NGF: variants seen among roughly 807,000 people sequenced by gnomAD.
NGF encodes nerve growth factor, also known as beta-nerve growth factor.
A neutral mutation model predicts 12.8 loss-of-function variants in NGF; 4 were observed. The observed-to-expected ratio is 0.31, with a 90% CI of 0.15 to 0.72. NGF has a LOEUF of 0.72. Ranked by LOEUF, NGF falls within the 30% of genes least tolerant of loss-of-function variation. NGF has a pLI of 0.69. For synonymous variants in NGF, 140 were observed against 130.0 expected, an observed-to-expected ratio of 1.08 and a Z score of -0.52; for missense variants, 283 against 330.8, an observed-to-expected ratio of 0.86 and a Z score of 1.12.
chr1:115,333,666 TTTC>T, intron 1 of NGF, among the ~76,000 whole-genome samples: 1 of 43,442 alleles, frequency 2.3e-5, no homozygotes, highest in Admixed American at 2.6e-4. Flanking sequence ...TCTTTCTTTC[TTTC>T]TTTCTTTCTT....
intron 1 of NGF, among the ~76,000 whole-genome samples, chr1:115,331,525 A>G (rs886899246): frequency 6.6e-6 from 1 of 152,238 alleles, no homozygotes; most frequent in African/African-American, 2.4e-5. Context: ...AAGATTAAAA[A>G]GCCTGCAGAC....
At chr1:115,312,631 T>C (rs2101041688) in intron 1 of NGF, among the ~76,000 whole-genome samples, 1 of 152,350 alleles carries the variant, frequency 6.6e-6, no homozygotes, top group African/African-American at 2.4e-5. Context: ...CTTAGCACTT[T>C]CTTTTTATTT....
chr1:115,294,633 A>G (rs748897839), intron 1 of NGF, among the ~76,000 whole-genome samples: 2 of 152,208 alleles, frequency 1.3e-5, no homozygotes, highest in Non-Finnish European at 2.9e-5. Context: ...CAACTGCAGG[A>G]TGTATCGAGG....
At chr1:115,334,967 AG>A (rs35833423) in intron 1 of NGF, among the ~76,000 whole-genome samples, 1 of 152,236 alleles carries the variant, frequency 6.6e-6, no homozygotes, top group East Asian at 1.9e-4. Context: ...AAACTGTAAC[AG>A]GAAGTTTACC....
At chr1:115,302,082 T>C (rs528440824) in intron 1 of NGF, among the ~76,000 whole-genome samples, 22 of 152,340 alleles carry the variant, frequency 1.4e-4, no homozygotes, top group African/African-American at 4.8e-4. Context: ...TGAATGTTTA[T>C]TGAAAGGAAT....
chr1:115,294,524 C>G (rs1653804096), intron 1 of NGF, among the ~76,000 whole-genome samples: 1 of 152,338 alleles, frequency 6.6e-6, no homozygotes, highest in South Asian at 2.1e-4. Context: ...CAAACAAGGC[C>G]TCTGCTCTCA....
intron 1 of NGF, among the ~76,000 whole-genome samples, chr1:115,332,520 A>G (rs1654950107): frequency 1.3e-5 from 2 of 152,206 alleles, no homozygotes; most frequent in Non-Finnish European, 2.9e-5. Context: ...TGAAATTAAA[A>G]AAAAACAACT....
At chr1:115,333,827 TTC>T (rs749315925) in intron 1 of NGF, among the ~76,000 whole-genome samples, 30 of 151,304 alleles carry the variant, frequency 2.0e-4, no homozygotes, top group Admixed American at 1.3e-4. Flanking sequence ...TCTTTCTCTC[TTC>T]TCTCTCTCTT....
chr1:115,310,785 A>G (rs1040906973), intron 1 of NGF, among the ~76,000 whole-genome samples: 3 of 146,538 alleles, frequency 2.0e-5, no homozygotes, highest in African/African-American at 7.4e-5. Context: ...TATCTGTGCT[A>G]TGGAAAGAAA....
chr1:115,327,700 C>A (rs1654814384), intron 1 of NGF, among the ~76,000 whole-genome samples: 1 of 152,176 alleles, frequency 6.6e-6, no homozygotes, highest in Admixed American at 6.5e-5. Context: ...AGTAAGTCAG[C>A]CTTTGCTTTT....
chr1:115,330,984 C>T (rs141088364), intron 1 of NGF, among the ~76,000 whole-genome samples: 117 of 152,224 alleles, frequency 7.7e-4, no homozygotes, highest in African/African-American at 2.7e-3. Context: ...CGGGGAGAAG[C>T]AAGAAGAGGG....
chr1:115,311,332 A>G (rs1385179303), intron 1 of NGF, among the ~76,000 whole-genome samples: 1 of 152,160 alleles, frequency 6.6e-6, no homozygotes. Flanking sequence ...TCCAGATCTT[A>G]TGCACATTTA....
intron 1 of NGF, among the ~76,000 whole-genome samples, chr1:115,295,885 A>T (rs931501365): frequency 6.6e-6 from 1 of 152,200 alleles, no homozygotes; most frequent in Non-Finnish European, 1.5e-5. Flanking sequence ...CACTGTTTTA[A>T]GTGTTAGGTG....
intron 1 of NGF, among the ~76,000 whole-genome samples, chr1:115,318,802 C>G (rs1420662812): frequency 6.6e-6 from 1 of 152,176 alleles, no homozygotes; most frequent in Non-Finnish European, 1.5e-5. Context: ...CTACCTGCTC[C>G]CCACTCCCAA....
At chr1:115,329,806 G>A (rs1654869050) in intron 1 of NGF, among the ~76,000 whole-genome samples, 1 of 140,336 alleles carries the variant, frequency 7.1e-6, no homozygotes, top group Admixed American at 7.6e-5. Flanking sequence ...CTAGAGTGCA[G>A]TGGCATGATC....
chr1:115,331,530 G>T (rs1232514581), intron 1 of NGF, among the ~76,000 whole-genome samples: 1 of 152,210 alleles, frequency 6.6e-6, no homozygotes, highest in Non-Finnish European at 1.5e-5. Flanking sequence ...TAAAAAGCCT[G>T]CAGACAAATT....
At chr1:115,322,741 A>T (rs551807846) in intron 1 of NGF, among the ~76,000 whole-genome samples, 1 of 152,030 alleles carries the variant, frequency 6.6e-6, no homozygotes, top group Admixed American at 6.6e-5. Flanking sequence ...TATTACCCCC[A>T]TTTTGCAGCT....
intron 1 of NGF, among the ~76,000 whole-genome samples, chr1:115,322,410 A>G (rs1654653889): frequency 6.6e-6 from 1 of 152,168 alleles, no homozygotes; most frequent in Non-Finnish European, 1.5e-5. Flanking sequence ...TACATGTGAC[A>G]AAGCCACCTG....
At chr1:115,333,761 C>CTA in intron 1 of NGF, among the ~76,000 whole-genome samples, 1 of 44,878 alleles carries the variant, frequency 2.2e-5, no homozygotes. Context: ...TCCCTCCCCC[C>CTA]TCTCTCTCTT....
Sources: gnomAD v4.1 joint callset for allele counts (sites outside exome capture counted in the v4.1 genomes callset) on GRCh38, gnomAD v4.1.1 for gene constraint, MANE v1.5 for transcripts, NCBI Gene and HGNC (gene_info 2026-07-23, HGNC 2026-07-21) for gene names.